Variants in COL6A6 observed in about 807,000 individuals in gnomAD.
COL6A6 encodes the protein collagen alpha-6(VI) chain.
A neutral mutation model predicts 208.6 loss-of-function variants in COL6A6; 183 were observed. The ratio of observed to expected loss-of-function variants is 0.88; its 90% confidence interval spans 0.78 to 0.99. The LOEUF (loss-of-function observed/expected upper bound fraction) is 0.99, where lower values mean the gene tolerates loss of function less well. Ranked by LOEUF, COL6A6 falls within the 50% of genes least tolerant of loss-of-function variation. The probability of loss-of-function intolerance (pLI) is 0.00; values close to 1 mark genes in which losing one functional copy is unlikely to be tolerated. For missense variants in COL6A6, 2,816 were observed against 2,815.2 expected, an observed-to-expected ratio of 1.00 and a Z score of -0.01; for synonymous variants, 973 against 1,011.8, an observed-to-expected ratio of 0.96 and a Z score of 0.73.
chr3:130,659,184 ACAGT>A (rs1196520555), intron 34 of COL6A6, among the ~76,000 whole-genome samples: 5 of 152,350 alleles, frequency 3.3e-5, no homozygotes, highest in African/African-American at 4.8e-5. Flanking sequence ...ATTTTTTAGT[ACAGT>A]CAAAGTGGAA....
chr3:130,651,899 T>C (rs2065654803), intron 33 of COL6A6, among the ~76,000 whole-genome samples: 1 of 152,196 alleles, frequency 6.6e-6, no homozygotes, highest in African/African-American at 2.4e-5. Flanking sequence ...AACTTTTGAG[T>C]GTTCAGTCTC....
chr3:130,657,471 C>T (rs550359714), intron 33 of COL6A6, among the ~76,000 whole-genome samples: 14 of 152,310 alleles, frequency 9.2e-5, no homozygotes, highest in South Asian at 2.1e-4. Flanking sequence ...TGACTGATTA[C>T]GGTTCGGGCT....
rs560622614 is a variant in COL6A6 at position 130,549,267 on chromosome 3, A to T, written c.-31-11067A>T. Among the ~76,000 whole-genome samples the T allele has an allele frequency of 5.9e-5, 9 of 152,244 alleles. No homozygotes were observed. In the South Asian group the frequency reaches 1.9e-3, roughly 32 times the overall value. On this transcript the variant is annotated intron_variant, in intron 1 of 36. Coordinates refer to ENST00000358511, the MANE Select transcript of COL6A6 (RefSeq NM_001102608.3). ...TCACTGCAGCCTTGACCTCCTGGGC[A>T]CAAGTACTTCTTCCACCTCAGCCTT...
chr3:130,537,838 G>A (rs1161765953), intron 1 of COL6A6, among the ~76,000 whole-genome samples: 2 of 152,152 alleles, frequency 1.3e-5, no homozygotes, highest in Non-Finnish European at 2.9e-5. Context: ...TGTCAGTATG[G>A]CTGCCCTTTT....
Position 130,574,050 on chromosome 3 carries a change from A to C in COL6A6, c.3072A>C (p.Ala1024=). ...TCAAGAAAATGAAGGAATTTCTGGC[A>C]TCTGTTGTTCAAGACTTTGATGTCA... is the stretch of plus-strand genomic sequence containing the variant. The part of the protein sequence containing the change: ...NDFKKMKEFL[A]SVVQDFDVSL... Residue 1024 remains alanine (A), a synonymous_variant, in exon 8 of 37, where the codon GCA becomes GCC. Transcript: ENST00000358511. The C allele has an allele frequency of 6.2e-7, 1 of 1,613,926 alleles. No individual in the cohort carries two copies. The highest frequency in any genetic ancestry group is 1.1e-5 in the South Asian group (1 of 91,074).
At chr3:130,528,762 T>C (rs906493950) in intron 1 of COL6A6, among the ~76,000 whole-genome samples, 1 of 152,164 alleles carries the variant, frequency 6.6e-6, no homozygotes, top group African/African-American at 2.4e-5. Context: ...TCAGGATCAC[T>C]GGGGATGGGA....
At position 130,567,178 on chromosome 3, in the gene COL6A6, G is replaced by A. The variant is rs757722061; in HGVS notation, c.1759G>A (p.Glu587Lys). The change falls in exon 5 of 37, where the codon GAA becomes AAA. Residue 587 changes from glutamate to lysine, a missense_variant. Transcript: ENST00000358511. ...QTQLREIAGE[E>K]KRVYYVHDFD... ...ACAGCTGAGAGAAATTGCAGGAGAGGAAAAGAGAGTGTATTACGTGCATGA... is the reference window on the plus strand; with the variant it reads ...ACAGCTGAGAGAAATTGCAGGAGAGAAAAAGAGAGTGTATTACGTGCATGA... 4 of 1,613,686 alleles carry A rather than the reference G, an allele frequency of 2.5e-6. No homozygotes were observed. In the South Asian group the frequency reaches 3.3e-5, roughly 13 times the overall value.
chr3:130,566,493 T>C (rs545361510), intron 4 of COL6A6, among the ~76,000 whole-genome samples: 68 of 152,372 alleles, frequency 4.5e-4, no homozygotes, highest in African/African-American at 1.4e-3. Flanking sequence ...TGGCAGAGAA[T>C]TGGGGCAATA....
At chr3:130,657,060 G>A (rs1312071636) in intron 33 of COL6A6, among the ~76,000 whole-genome samples, 2 of 152,218 alleles carry the variant, frequency 1.3e-5, no homozygotes, top group Non-Finnish European at 2.9e-5. Flanking sequence ...AGGAGGGCAG[G>A]GCCCCTGCCT....
At chr3:130,536,170 A>G (rs991266242) in intron 1 of COL6A6, among the ~76,000 whole-genome samples, 1 of 152,186 alleles carries the variant, frequency 6.6e-6, no homozygotes, top group Non-Finnish European at 1.5e-5. Context: ...CTGCTCATGC[A>G]TCTTCATGAA....
At chr3:130,635,906 G>C (rs2065098939) in intron 28 of COL6A6, 145 bp downstream of exon 28, 1 of 630,372 alleles carries the variant, frequency 1.6e-6, no homozygotes, top group African/African-American at 1.8e-5. Flanking sequence ...TGGGGAAGGG[G>C]AATGGATAGT....
chr3:130,527,361 T>A (rs2061982520), intron 1 of COL6A6, among the ~76,000 whole-genome samples: 2 of 152,240 alleles, frequency 1.3e-5, no homozygotes, highest in Admixed American at 6.5e-5. Flanking sequence ...GCCATCTGAT[T>A]TGTGTCCTGT....
intron 31 of COL6A6, among the ~76,000 whole-genome samples, 178 bp downstream of exon 31, chr3:130,643,201 T>C (rs763863103): frequency 3.9e-5 from 6 of 152,242 alleles, no homozygotes; most frequent in Non-Finnish European, 8.8e-5. Flanking sequence ...GTTGCTATCA[T>C]GTCTATTGAA....
intron 1 of COL6A6, among the ~76,000 whole-genome samples, chr3:130,527,406 G>T (rs1442292242): frequency 2.0e-5 from 3 of 152,222 alleles, no homozygotes; most frequent in African/African-American, 7.2e-5. Context: ...GGCAAGAGCA[G>T]CTGGTGTGCT....
intron 8 of COL6A6, among the ~76,000 whole-genome samples, chr3:130,579,414 G>A (rs1048081124): frequency 2.0e-5 from 3 of 152,276 alleles, no homozygotes; most frequent in South Asian, 2.1e-4. Context: ...TAGTTTGGCA[G>A]TAACAGAATG....
chr3:130,607,072 T>A (rs907627838), intron 21 of COL6A6, 106 bp downstream of exon 21: 6 of 848,908 alleles, frequency 7.1e-6, no homozygotes, highest in Middle Eastern at 2.3e-4. Flanking sequence ...TTGATGATAT[T>A]GGTTATGGAA....
At chr3:130,541,934 A>C (rs954650305) in intron 1 of COL6A6, among the ~76,000 whole-genome samples, 4 of 152,202 alleles carry the variant, frequency 2.6e-5, no homozygotes, top group African/African-American at 9.6e-5. Context: ...TGAGTTATCA[A>C]ATCTGCAGGC....
intron 10 of COL6A6, among the ~76,000 whole-genome samples, chr3:130,585,808 A>G (rs2063526701): frequency 6.6e-6 from 1 of 152,224 alleles, no homozygotes; most frequent in Non-Finnish European, 1.5e-5. Context: ...TAATGTGTAT[A>G]CAAATCACCT....
intron 23 of COL6A6, among the ~76,000 whole-genome samples, chr3:130,611,345 A>G (rs2108217141): frequency 6.6e-6 from 1 of 152,348 alleles, no homozygotes; most frequent in East Asian, 1.9e-4. Context: ...CTTCTAGGGC[A>G]TTCCCAGATG....
Sources: allele counts gnomAD v4.1 joint callset (sites outside exome capture counted in the v4.1 genomes callset), GRCh38; gene constraint gnomAD v4.1.1; transcripts MANE v1.5; gene names NCBI Gene and HGNC (gene_info 2026-07-23, HGNC 2026-07-21).